The following DACH2 variants were observed in gnomAD, a reference collection of about 807,000 sequenced individuals.
DACH2 encodes the protein dachshund family transcription factor 2.
A neutral mutation model predicts 35.8 loss-of-function variants in DACH2; 17 were observed. The ratio of observed to expected loss-of-function variants is 0.48; its 90% CI spans 0.33 to 0.71. The LOEUF (loss-of-function observed/expected upper bound fraction) is 0.71, where lower values mean the gene tolerates loss of function less well. Among genes scored for constraint, DACH2 ranks in the 30% least tolerant of loss-of-function variants. The probability of loss-of-function intolerance (pLI) is 0.02; values close to 1 mark genes in which losing one functional copy is unlikely to be tolerated. For synonymous variants in DACH2, 195 were observed against 177.3 expected (o/e 1.10, Z -0.79); for missense variants, 469 against 472.7 (o/e 0.99, Z 0.07).
chrX:86,160,593 G>T, intron 1 of DACH2: 1 of 501,651 alleles, frequency 2.0e-6, no homozygotes, highest in South Asian at 2.8e-5. Flanking sequence ...ATGATCACCT[G>T]AGCAGTGATG....
At chrX:86,218,411 G>T (rs2032626819) in intron 1 of DACH2, among the ~76,000 whole-genome samples, 1 of 111,604 alleles carries the variant, frequency 9.0e-6, no homozygotes, top group African/African-American at 3.3e-5. Flanking sequence ...CTCATTAGTT[G>T]TAAAATTTTT....
intron 2 of DACH2, among the ~76,000 whole-genome samples, chrX:86,391,278 G>T (rs2036196975): frequency 1.8e-5 from 1 of 56,885 alleles, no homozygotes; most frequent in Non-Finnish European, 2.9e-5. Flanking sequence ...GTGAGGCTCT[G>T]TCTTAAAAAA....
At chrX:86,278,057 C>G (rs2033952216) in intron 1 of DACH2, among the ~76,000 whole-genome samples, 1 of 111,252 alleles carries the variant, frequency 9.0e-6, no homozygotes, top group Non-Finnish European at 1.9e-5. Flanking sequence ...AAAGCACTTC[C>G]CAAAGCCAAA....
chrX:86,790,038 CAT>C (rs1334743499), intron 7 of DACH2, among the ~76,000 whole-genome samples: 1 of 111,908 alleles, frequency 8.9e-6, no homozygotes, highest in Non-Finnish European at 1.9e-5. Flanking sequence ...AAATATTTCA[CAT>C]GTGTACTGTG....
intron 4 of DACH2, among the ~76,000 whole-genome samples, chrX:86,661,341 CG>C (rs2040602970): frequency 8.9e-6 from 1 of 112,308 alleles, no homozygotes. Flanking sequence ...TCTCTGCATC[CG>C]CAAAGAACCT....
At chrX:86,553,147 A>T (rs933168505) in intron 3 of DACH2, among the ~76,000 whole-genome samples, 2 of 111,208 alleles carry the variant, frequency 1.8e-5, no homozygotes, top group Admixed American at 1.9e-4. Flanking sequence ...CCAAAATCTC[A>T]AAAGTAGGGA....
At chrX:86,778,141 T>C (rs1331205716) in intron 7 of DACH2, among the ~76,000 whole-genome samples, 1 of 111,601 alleles carries the variant, frequency 9.0e-6, no homozygotes, top group South Asian at 3.7e-4. Context: ...TTCATTTCCT[T>C]TGCATATATA....
chrX:86,248,919 C>A (rs899479061), intron 1 of DACH2, among the ~76,000 whole-genome samples: 2 of 110,921 alleles, frequency 1.8e-5, no homozygotes, highest in Non-Finnish European at 3.8e-5. Context: ...ACCATCTGAT[C>A]TTTGACAAAG....
At chrX:86,286,314 T>A (rs2034149838) in intron 1 of DACH2, among the ~76,000 whole-genome samples, 1 of 108,962 alleles carries the variant, frequency 9.2e-6, no homozygotes, top group Non-Finnish European at 1.9e-5. Flanking sequence ...TTTTTTTTAG[T>A]AGAGACGGGG....
chrX:86,254,777 A>AT (rs1556004208), intron 1 of DACH2, among the ~76,000 whole-genome samples: 6 of 14,228 alleles, frequency 4.2e-4, no homozygotes, highest in Admixed American at 1.6e-3. Flanking sequence ...TATTCAAATA[A>AT]ATAAATATAT....
At chrX:86,267,375 T>C (rs1204239459) in intron 1 of DACH2, among the ~76,000 whole-genome samples, 1 of 112,102 alleles carries the variant, frequency 8.9e-6, no homozygotes, top group Non-Finnish European at 1.9e-5. Flanking sequence ...ATATTTTGTG[T>C]TTATGGAATT....
intron 4 of DACH2, among the ~76,000 whole-genome samples, chrX:86,669,635 T>C (rs886863090): frequency 9.0e-6 from 1 of 111,586 alleles, no homozygotes; most frequent in Admixed American, 9.6e-5. Flanking sequence ...GTCAAATACA[T>C]GAATTTTAAC....
intron 3 of DACH2, among the ~76,000 whole-genome samples, chrX:86,579,080 T>C (rs1465519635): frequency 9.1e-6 from 1 of 110,285 alleles, no homozygotes; most frequent in Non-Finnish European, 1.9e-5. Flanking sequence ...TGTTCAAGTT[T>C]ATTGTTCACT....
At chrX:86,284,432 C>A (rs1286381126) in intron 1 of DACH2, among the ~76,000 whole-genome samples, 1 of 111,748 alleles carries the variant, frequency 8.9e-6, no homozygotes, top group Non-Finnish European at 1.9e-5. Flanking sequence ...ATCCCAAGGA[C>A]AAATCCACTT....
At chrX:86,665,524 C>T (rs897525360) in intron 4 of DACH2, among the ~76,000 whole-genome samples, 2 of 111,737 alleles carry the variant, frequency 1.8e-5, no homozygotes, top group Non-Finnish European at 3.8e-5. Context: ...TCTCTGTAAG[C>T]CTCTCTGCAT....
At chrX:86,756,879 G>A (rs944546712) in intron 7 of DACH2, among the ~76,000 whole-genome samples, 9 of 111,197 alleles carry the variant, frequency 8.1e-5, no homozygotes, top group Non-Finnish European at 1.7e-4. Flanking sequence ...TGTCATATAT[G>A]ACCTTTATTA....
intron 1 of DACH2, among the ~76,000 whole-genome samples, chrX:86,201,093 A>ATTC (rs2032144037): frequency 9.0e-6 from 1 of 111,692 alleles, no homozygotes; most frequent in Non-Finnish European, 1.9e-5. Context: ...ATATCATGGA[A>ATTC]TACTATGCAG....
chrX:86,459,498 A>ATG (rs2037531347), intron 2 of DACH2, among the ~76,000 whole-genome samples: 1 of 111,826 alleles, frequency 8.9e-6, no homozygotes, highest in Non-Finnish European at 1.9e-5. Context: ...GGGGATTCAA[A>ATG]TGTATTTTAC....
intron 4 of DACH2, among the ~76,000 whole-genome samples, chrX:86,652,954 G>A (rs926412820): frequency 1.2e-4 from 13 of 111,766 alleles, no homozygotes; most frequent in Admixed American, 2.9e-4. Flanking sequence ...TATTTCTCAC[G>A]TTTTACTTTT....
Sources: allele counts gnomAD v4.1 joint callset (sites outside exome capture counted in the v4.1 genomes callset), GRCh38; gene constraint gnomAD v4.1.1; transcripts MANE v1.5; gene names NCBI Gene and HGNC (gene_info 2026-07-23, HGNC 2026-07-21).